ITK: variants seen among roughly 807,000 people sequenced by gnomAD.
The protein encoded by ITK is tyrosine-protein kinase ITK/TSK.
ITK carries 45 observed loss-of-function variants against 87.6 expected under a neutral mutation model. The ratio of observed to expected loss-of-function variants is 0.51; its 90% CI spans 0.40 to 0.66. ITK has a LOEUF of 0.66. Among genes scored for constraint, ITK ranks in the 30% least tolerant of loss-of-function variants. The pLI, the probability that ITK is intolerant of heterozygous loss-of-function variation, is 0.00. For synonymous variants in ITK, 303 were observed against 273.6 expected, an observed-to-expected ratio of 1.11 and a Z score of -1.06; for missense variants, 605 against 766.3, an observed-to-expected ratio of 0.79 and a Z score of 2.48.
chr5:157,204,777 A>G (rs1007796526), intron 1 of ITK, among the ~76,000 whole-genome samples: 4 of 152,220 alleles, frequency 2.6e-5, no homozygotes, highest in African/African-American at 9.6e-5. Context: ...CAGTGTTTTC[A>G]TTTGTCACAA....
intron 10 of ITK, 161 bp downstream of exon 10, chr5:157,240,356 G>T: frequency 2.8e-6 from 2 of 709,998 alleles, no homozygotes; most frequent in South Asian, 3.1e-5. Context: ...GATCTAGGTT[G>T]TGTGCTCCTT....
At position 157,241,683 on chromosome 5, in the gene ITK, G is replaced by A; in HGVS notation, c.1023G>A (p.Gly341=). The stretch of plus-strand genomic sequence containing the variant: ...GACTCCGGTATCCAGTTTGTTTTGG[G>A]AGGCAGAAAGCCCCAGTTACAGCAG... ...VTRLRYPVCF[G]RQKAPVTAGL... The change falls in exon 11 of 17, where the codon GGG becomes GGA. Residue 341 remains glycine (G), a synonymous_variant. Coordinates refer to ENST00000422843, the MANE Select transcript of ITK (RefSeq NM_005546.4). The A allele has an allele frequency of 6.2e-7, 1 of 1,613,952 alleles. No homozygotes were observed. Among genetic ancestry groups the A allele is most frequent in the Non-Finnish European group, 8.5e-7 (1 of 1,179,906 alleles).
intron 8 of ITK, among the ~76,000 whole-genome samples, chr5:157,234,178 G>T (rs1026214866): frequency 2.0e-5 from 3 of 150,716 alleles, no homozygotes; most frequent in Admixed American, 1.3e-4. Flanking sequence ...ACGGGGTGTC[G>T]CCCTGTTGGC....
chr5:157,242,759 G>A (rs571017337), intron 11 of ITK, among the ~76,000 whole-genome samples: 1 of 152,264 alleles, frequency 6.6e-6, no homozygotes, highest in African/African-American at 2.4e-5. Context: ...GTGCCCAGCT[G>A]AGTCTACATT....
intron 13 of ITK, chr5:157,245,379 A>T (rs551514440): frequency 2.2e-5 from 9 of 413,234 alleles, no homozygotes; most frequent in African/African-American, 1.4e-4. Flanking sequence ...TTCTTAATTT[A>T]GTCAACTGGG....
chr5:157,216,341 T>C (rs951153107), intron 4 of ITK, among the ~76,000 whole-genome samples: 8 of 152,082 alleles, frequency 5.3e-5, no homozygotes, highest in African/African-American at 1.2e-4. Flanking sequence ...TCACCTGCAA[T>C]ATGGGGATAA....
chr5:157,234,792 G>A (rs1754743857), intron 8 of ITK, among the ~76,000 whole-genome samples: 1 of 152,160 alleles, frequency 6.6e-6, no homozygotes, highest in East Asian at 1.9e-4. Context: ...CAGTGGGTGG[G>A]GGGCTAGGGG....
intron 1 of ITK, among the ~76,000 whole-genome samples, chr5:157,186,129 T>C (rs1753637316): frequency 6.6e-6 from 1 of 152,148 alleles, no homozygotes; most frequent in Non-Finnish European, 1.5e-5. Context: ...CTCTGATAAA[T>C]AGTACTTATT....
intron 1 of ITK, among the ~76,000 whole-genome samples, chr5:157,205,537 G>A (rs1372542453): frequency 2.0e-5 from 3 of 152,084 alleles, no homozygotes; most frequent in Non-Finnish European, 2.9e-5. Context: ...AAGACATGAC[G>A]AAATGCTTCA....
chr5:157,194,885 A>G (rs1753822947), intron 1 of ITK, among the ~76,000 whole-genome samples: 1 of 152,224 alleles, frequency 6.6e-6, no homozygotes, highest in Admixed American at 6.5e-5. Context: ...GCTAAGTTGG[A>G]AACTGAAGCC....
At chr5:157,202,412 C>T (rs1753995934) in intron 1 of ITK, among the ~76,000 whole-genome samples, 1 of 152,088 alleles carries the variant, frequency 6.6e-6, no homozygotes, top group South Asian at 2.1e-4. Context: ...TGGGGTTTCA[C>T]CATGTTGCCC....
chr5:157,237,607 T>A (rs181147041), intron 8 of ITK, among the ~76,000 whole-genome samples: 50 of 152,246 alleles, frequency 3.3e-4, no homozygotes, highest in Non-Finnish European at 5.0e-4. Flanking sequence ...TGTAGGGAAA[T>A]GGAGAAGCAG....
chr5:157,207,377 C>CTCTTTTTT (rs1754101416), intron 1 of ITK, among the ~76,000 whole-genome samples: 2 of 59,126 alleles, frequency 3.4e-5, no homozygotes, highest in African/African-American at 1.3e-4. Context: ...AGATACGTCT[C>CTCTTTTTT]TTTTTTTTTT....
Position 157,254,400 on chromosome 5 carries a change from A to G in ITK, c.*1722A>G, listed in dbSNP as rs2113780834. On this transcript the variant is annotated 3_prime_UTR_variant, in exon 17 of 17. Coordinates refer to ENST00000422843, the MANE Select transcript of ITK (RefSeq NM_005546.4). ...TAGACGAGCTTCAAAGCAACTTTAA[A>G]AGATTCTTCTGTAGAAGTATGAGTT... 4.5e-6 allele frequency: 1 copy of G among 222,910 alleles called. No homozygotes were observed. The highest frequency in any genetic ancestry group is 1.8e-4 in the South Asian group (1 of 5,446). 13.8% of individuals were successfully genotyped at this position (222,910 alleles called of 1,614,324 possible).
intron 16 of ITK, 59 bp from the exon 17 acceptor site, chr5:157,252,548 G>T (rs1324644802): frequency 1.5e-6 from 2 of 1,292,604 alleles, no homozygotes; most frequent in Non-Finnish European, 2.3e-6. Context: ...GGTTTGTTTT[G>T]GATTTACCTA....
At chr5:157,233,967 T>A (rs866650506) in intron 8 of ITK, among the ~76,000 whole-genome samples, 500 of 24,628 alleles carry the variant, frequency 0.02, no homozygotes, top group Non-Finnish European at 0.026. Flanking sequence ...ATATATATTT[T>A]TTTTTTTTTT....
intron 6 of ITK, among the ~76,000 whole-genome samples, chr5:157,226,432 A>G (rs1754532708): frequency 6.6e-6 from 1 of 152,242 alleles, no homozygotes; most frequent in African/African-American, 2.4e-5. Flanking sequence ...GCAAAAGTAG[A>G]CATAATTAAG....
At chr5:157,249,632 C>T (rs1031623906) in intron 16 of ITK, among the ~76,000 whole-genome samples, 10 of 152,162 alleles carry the variant, frequency 6.6e-5, no homozygotes, top group Admixed American at 3.3e-4. Flanking sequence ...GATCATTGTA[C>T]GACAACAAGG....
intron 1 of ITK, among the ~76,000 whole-genome samples, chr5:157,202,701 T>C (rs546671255): frequency 1.1e-4 from 16 of 152,320 alleles, no homozygotes; most frequent in African/African-American, 3.8e-4. Context: ...TTAAGTTCTG[T>C]CAGAAATCAC....
Sources: allele counts gnomAD v4.1 joint callset (sites outside exome capture counted in the v4.1 genomes callset), GRCh38; gene constraint gnomAD v4.1.1; transcripts MANE v1.5; gene names NCBI Gene and HGNC (gene_info 2026-07-23, HGNC 2026-07-21).